The following KCNIP4 variants were observed in gnomAD, a reference collection of about 807,000 sequenced individuals.
KCNIP4 encodes potassium voltage-gated channel interacting protein 4, also known as Kv channel-interacting protein 4.
KCNIP4 carries 12 observed loss-of-function variants against 34.0 expected under a neutral mutation model. The ratio of observed to expected loss-of-function variants is 0.35; its 90% CI spans 0.23 to 0.57. The LOEUF is 0.57. Ranked by LOEUF, KCNIP4 falls within the 20% of genes least tolerant of loss-of-function variation. The pLI is 0.83. For synonymous variants in KCNIP4, 124 were observed against 102.2 expected, an observed-to-expected ratio of 1.21 and a Z score of -1.29; for missense variants, 238 against 311.7, an observed-to-expected ratio of 0.76 and a Z score of 1.78.
intron 1 of KCNIP4, among the ~76,000 whole-genome samples, chr4:21,556,930 A>AAAAAAAACAAAAAAAAAAAC (rs1553903111): frequency 9.2e-6 from 1 of 108,194 alleles, no homozygotes; most frequent in South Asian, 3.2e-4. Context: ...CAGAAAAAAA[A>AAAAAAAACAAAAAAAAAAAC]AAAAAAAAAA....
rs529178243 is a variant in KCNIP4, at chr4:21,670,610, T to C, written c.61+277961A>G. Among the ~76,000 whole-genome samples, 3 of 152,306 alleles carry C rather than the reference T, an allele frequency of 2.0e-5. No homozygotes were observed. The East Asian group carries it at 5.8e-4, about 29-fold the overall frequency. ...ATCATATTGAAGTTCAGTTTTGTAC[T>C]TTAACACCATCTGGTAAAATTACAG... On this transcript the variant is annotated intron_variant, in intron 1 of 8. Coordinates refer to ENST00000382152, the MANE Select transcript of KCNIP4 (RefSeq NM_025221.6).
At chr4:21,603,095 CTCT>C (rs1254023255) in intron 1 of KCNIP4, among the ~76,000 whole-genome samples, 2 of 152,130 alleles carry the variant, frequency 1.3e-5, no homozygotes, top group Admixed American at 6.6e-5. Context: ...GATTATTTCT[CTCT>C]TCTGTTGATT....
chr4:21,288,920 C>A (rs1004483865), intron 1 of KCNIP4, among the ~76,000 whole-genome samples: 3 of 152,182 alleles, frequency 2.0e-5, no homozygotes, highest in Non-Finnish European at 4.4e-5. Flanking sequence ...TTTTTCATGG[C>A]TGTATAGTAT....
At chr4:20,978,989 T>A (rs1159200236) in intron 1 of KCNIP4, among the ~76,000 whole-genome samples, 1 of 152,096 alleles carries the variant, frequency 6.6e-6, no homozygotes, top group African/African-American at 2.4e-5. Flanking sequence ...TATATGACAA[T>A]TCATTACACT....
chr4:21,897,954 G>A (rs1373080597), intron 1 of KCNIP4, among the ~76,000 whole-genome samples: 1 of 152,040 alleles, frequency 6.6e-6, no homozygotes, highest in Non-Finnish European at 1.5e-5. Context: ...CTGTGTGTTT[G>A]GGGGAGGGAA....
At chr4:20,930,688 A>T (rs1308039921) in intron 1 of KCNIP4, among the ~76,000 whole-genome samples, 2 of 152,124 alleles carry the variant, frequency 1.3e-5, no homozygotes, top group Non-Finnish European at 2.9e-5. Context: ...GCTTGATTAA[A>T]AACAGGCAAG....
At chr4:21,867,066 C>T (rs1048017526) in intron 1 of KCNIP4, among the ~76,000 whole-genome samples, 16 of 152,030 alleles carry the variant, frequency 1.1e-4, no homozygotes, top group Admixed American at 6.5e-4. Context: ...CCACCACGCC[C>T]GGCCAGCTCA....
intron 1 of KCNIP4, among the ~76,000 whole-genome samples, chr4:21,008,230 A>G (rs1738740862): frequency 6.6e-6 from 1 of 152,180 alleles, no homozygotes; most frequent in African/African-American, 2.4e-5. Flanking sequence ...GGAGAACTGC[A>G]TTCACTTCTC....
chr4:21,677,762 T>C (rs913268199), intron 1 of KCNIP4, among the ~76,000 whole-genome samples: 2 of 152,242 alleles, frequency 1.3e-5, no homozygotes, highest in Admixed American at 6.5e-5. Flanking sequence ...TATTCTTTTG[T>C]TTTTTGAGAT....
At chr4:21,612,340 A>G (rs1196802411) in intron 1 of KCNIP4, among the ~76,000 whole-genome samples, 2 of 152,222 alleles carry the variant, frequency 1.3e-5, no homozygotes, top group Non-Finnish European at 2.9e-5. Context: ...CGTCACACTC[A>G]GTGGCACATG....
Position 20,875,342 on chromosome 4 carries a change from T to C in KCNIP4, c.163+7266A>G, listed in dbSNP as rs189171629. 2.7e-3 allele frequency among the ~76,000 whole-genome samples: 416 copies of C among 152,316 alleles called. 3 individuals are homozygous for C. The highest frequency in any genetic ancestry group is 9.6e-3 in the African/African-American group (400 of 41,582). On this transcript the variant is annotated intron_variant, in intron 2 of 8. Coordinates refer to ENST00000382152, the MANE Select transcript of KCNIP4 (RefSeq NM_025221.6). ...CTTGCTGATGATGTGATTCAGAAAT[T>C]AAATAATCCCTCATACCTCAGTTTC...
intron 1 of KCNIP4, among the ~76,000 whole-genome samples, chr4:21,839,775 G>C (rs758890816): frequency 2.0e-5 from 3 of 152,034 alleles, no homozygotes; most frequent in Non-Finnish European, 4.4e-5. Flanking sequence ...AGAAGAAATA[G>C]TGTGCTTTTC....
intron 1 of KCNIP4, among the ~76,000 whole-genome samples, chr4:21,440,702 G>T (rs552008485): frequency 6.6e-6 from 1 of 152,120 alleles, no homozygotes; most frequent in South Asian, 2.1e-4. Flanking sequence ...AACTTGATGG[G>T]ATCATACATC....
chr4:21,054,411 C>T (rs550636970), intron 1 of KCNIP4, among the ~76,000 whole-genome samples: 3 of 151,606 alleles, frequency 2.0e-5, no homozygotes, highest in Non-Finnish European at 4.4e-5. Context: ...CCCAGCTACT[C>T]AGGAGGCTGA....
intron 1 of KCNIP4, among the ~76,000 whole-genome samples, chr4:20,953,837 G>A (rs1051632948): frequency 7.2e-5 from 11 of 152,096 alleles, no homozygotes; most frequent in African/African-American, 2.7e-4. Context: ...GCTATCAAAG[G>A]AGAGTCATTA....
At chr4:21,863,746 C>A (rs575697773) in intron 1 of KCNIP4, among the ~76,000 whole-genome samples, 36 of 152,262 alleles carry the variant, frequency 2.4e-4, no homozygotes, top group African/African-American at 8.4e-4. Flanking sequence ...GCTCCTAGAT[C>A]CAACCATACC....
At chr4:21,429,726 T>C (rs1049687158) in intron 1 of KCNIP4, among the ~76,000 whole-genome samples, 1 of 152,178 alleles carries the variant, frequency 6.6e-6, no homozygotes, top group Admixed American at 6.5e-5. Context: ...TCTGAATAAC[T>C]TTTTTATTCT....
At chr4:21,661,681 GA>G (rs1219341676) in intron 1 of KCNIP4, among the ~76,000 whole-genome samples, 8 of 152,068 alleles carry the variant, frequency 5.3e-5, no homozygotes, top group African/African-American at 1.9e-4. Flanking sequence ...ACACTCATCC[GA>G]TAGAAGATTC....
At chr4:21,016,556 A>G (rs1739564552) in intron 1 of KCNIP4, among the ~76,000 whole-genome samples, 1 of 151,974 alleles carries the variant, frequency 6.6e-6, no homozygotes. Flanking sequence ...CGGCCTCCCA[A>G]AGTGCTGGGA....
Sources: allele counts gnomAD v4.1 joint callset (sites outside exome capture counted in the v4.1 genomes callset), GRCh38; gene constraint gnomAD v4.1.1; transcripts MANE v1.5; gene names NCBI Gene and HGNC (gene_info 2026-07-23, HGNC 2026-07-21).